The following SEMA3F variants were observed in gnomAD, a reference collection of about 807,000 sequenced individuals.
SEMA3F encodes semaphorin 3F, also known as semaphorin-3F.
A neutral mutation model predicts 98.5 loss-of-function variants in SEMA3F; 30 were observed. That is an observed-to-expected ratio of 0.30 (90% CI 0.23 to 0.41). The LOEUF (loss-of-function observed/expected upper bound fraction) is 0.41, where lower values mean the gene tolerates loss of function less well. Ranked by LOEUF, SEMA3F falls within the 10% of genes least tolerant of loss-of-function variation. The pLI, the probability that SEMA3F is intolerant of heterozygous loss-of-function variation, is 1.00. For synonymous variants in SEMA3F, 380 were observed against 444.8 expected (o/e 0.85, Z 1.83); for missense variants, 866 against 1,119.3 (o/e 0.77, Z 3.23).
chr3:50,183,192 T>C lies in SEMA3F; in HGVS notation c.1025T>C (p.Val342Ala), dbSNP rs764499450. Residue 342 changes from valine (V) to alanine (A), a missense_variant, in exon 11 of 19, where the codon GTG (valine) becomes GCG (alanine). Physicochemically the swap from Val to Ala is moderately conservative, Grantham distance 64 (BLOSUM62 0). Around this residue, in one of 3 missense-constraint regions of SEMA3F, gnomAD observed 374 missense variants for 582.8 expected, o/e 0.64. Transcript: ENST00000002829. ...IETHFDELQD[V>A]FVQQTQDVRN... The stretch of plus-strand genomic sequence containing the variant: ...CTTCTCCCTCTGTCCCCAGAGGACG[T>C]GTTTGTCCAGCAGACCCAGGACGTG... 6.2e-7 allele frequency: 1 copy of C among 1,613,974 alleles called. No individual in the cohort carries two copies. The highest frequency in any genetic ancestry group is 1.7e-5 in the Admixed American group (1 of 60,032).
At chr3:50,184,552 CCCAGGCAGCCTGGGA>C in intron 12 of SEMA3F, 25 bp from the exon 13 acceptor site, 1 of 1,519,784 alleles carries the variant, frequency 6.6e-7, no homozygotes, top group Non-Finnish European at 9.1e-7. Flanking sequence ...GCCTGCCCTG[CCCAGGCAGCCTGGGA>C]CTGACACTCG....
Position 50,173,930 on chromosome 3 carries a change from G to C in SEMA3F, c.250G>C (p.Asp84His). The change falls in exon 3 of 19, where the codon GAC becomes CAC. Residue 84 changes from aspartate (D) to histidine (H), a missense_variant. Coordinates refer to ENST00000002829, the MANE Select transcript of SEMA3F (RefSeq NM_004186.5). ...CTACGTGCTGTCCCTGGACCTGCACGACATCAACCGCGAGCCCCTCATTGT... is the reference window on the plus strand; with the variant it reads ...CTACGTGCTGTCCCTGGACCTGCACCACATCAACCGCGAGCCCCTCATTGT... ...KDYVLSLDLH[D>H]INREPLIIHW... The C allele has an allele frequency of 2.5e-6, 4 of 1,614,124 alleles. No homozygotes were observed. Among genetic ancestry groups the C allele is most frequent in the Non-Finnish European group, 3.4e-6 (4 of 1,180,036 alleles).
intron 2 of SEMA3F, among the ~76,000 whole-genome samples, chr3:50,167,145 C>T (rs763002114): frequency 6.6e-6 from 1 of 152,202 alleles, no homozygotes; most frequent in Admixed American, 6.5e-5. Flanking sequence ...TGAGCCGGAG[C>T]CCTGACTTGC....
At chr3:50,186,827 C>T in intron 18 of SEMA3F, 81 bp downstream of exon 18, 2 of 1,371,696 alleles carry the variant, frequency 1.5e-6, no homozygotes, top group Non-Finnish European at 1.9e-6. Context: ...TGATCTGGAG[C>T]AACTCTCATG....
intron 2 of SEMA3F, among the ~76,000 whole-genome samples, chr3:50,167,140 C>A (rs552154498): frequency 6.6e-6 from 1 of 152,168 alleles, no homozygotes; most frequent in East Asian, 1.9e-4. Context: ...AAAGCTGAGC[C>A]GGAGCCCTGA....
In SEMA3F at chr3:50,188,552, A is replaced by T. The variant is rs2109132185; in HGVS notation, c.*437A>T. 1 of 152,542 alleles carries T rather than the reference A, an allele frequency of 6.6e-6. No individual in the cohort carries two copies. Among genetic ancestry groups the T allele is most frequent in the Non-Finnish European group, 1.5e-5 (1 of 68,084 alleles). 9.4% of individuals were successfully genotyped at this position (152,542 alleles called of 1,614,324 possible). A position where few individuals can be genotyped will look rare whatever the true frequency, so the allele number is the denominator to read the frequency against. The stretch of plus-strand genomic sequence containing the variant: ...CATGGATGCGAGGACCACTTTGGAG[A>T]CTGGGGTGGCCTCAAGAGCACACAG... On this transcript the variant is annotated 3_prime_UTR_variant, in exon 19 of 19. Coordinates refer to ENST00000002829, the MANE Select transcript of SEMA3F (RefSeq NM_004186.5). This position sits in a 1 kb window ranked among gnomAD's most constrained non-coding sequence, Gnocchi z 4.5.
chr3:50,179,214 A>G (rs911038718), intron 7 of SEMA3F, among the ~76,000 whole-genome samples: 4 of 152,164 alleles, frequency 2.6e-5, no homozygotes, highest in African/African-American at 7.2e-5. Context: ...ATTAGCCCCT[A>G]ATAAGAGAGT....
intron 2 of SEMA3F, among the ~76,000 whole-genome samples, chr3:50,170,937 C>T (rs1007838412): frequency 8.5e-5 from 13 of 152,182 alleles, no homozygotes; most frequent in Non-Finnish European, 1.5e-4. Flanking sequence ...GAGTCACCTT[C>T]CGGCCCTGGC....
Position 50,158,547 on chromosome 3 carries a change from A to G in SEMA3F, c.-48-1028A>G, listed in dbSNP as rs1458064293. Among the ~76,000 whole-genome samples, 1 of 152,208 alleles carries G rather than the reference A, an allele frequency of 6.6e-6. No individual in the cohort carries two copies. The highest frequency in any genetic ancestry group is 1.5e-5 in the Non-Finnish European group (1 of 68,022). On this transcript the variant is annotated intron_variant, in intron 1 of 18. Coordinates refer to ENST00000002829, the MANE Select transcript of SEMA3F (RefSeq NM_004186.5). The surrounding 1 kb of genome is among the most constrained non-coding windows in gnomAD (Gnocchi z 4.8). ...CCATAGTACTGCCAACTCCCATCCC[A>G]GCATCCTAGAGATGGGCCTGGGGTC...
rs755146688 is a variant in SEMA3F at position 50,187,831 on chromosome 3, G to A, written c.2074G>A (p.Val692Met). The change falls in exon 19 of 19, where the codon GTG becomes ATG. Residue 692 changes from valine to methionine, a missense_variant. Around this residue, in one of 3 missense-constraint regions of SEMA3F, gnomAD observed 245 missense variants for 260.5 expected, o/e 0.94. Coordinates refer to ENST00000002829, the MANE Select transcript of SEMA3F (RefSeq NM_004186.5). Reference sequence around the variant, plus strand: ...CAACTTTAAGCACGTCGTCACACGAGTGCAGCTGCATGTACTGGGCCGGGA... The same window carrying A: ...CAACTTTAAGCACGTCGTCACACGAATGCAGCTGCATGTACTGGGCCGGGA... ...ENNFKHVVTR[V>M]QLHVLGRDAV... 1.2e-6 allele frequency: 2 copies of A among 1,613,490 alleles called. No individual in the cohort carries two copies. Among genetic ancestry groups the A allele is most frequent in the South Asian group, 2.2e-5 (2 of 91,080 alleles).
chr3:50,173,124 G>T (rs931041640), intron 2 of SEMA3F, among the ~76,000 whole-genome samples: 1 of 152,166 alleles, frequency 6.6e-6, no homozygotes, highest in African/African-American at 2.4e-5. Context: ...CTCTCAGTCT[G>T]TCAGGGACTG....
At chr3:50,185,400 CAGCAT>C in intron 13 of SEMA3F, 38 bp from the exon 14 acceptor site, 1 of 1,549,606 alleles carries the variant, frequency 6.5e-7, no homozygotes, top group Non-Finnish European at 8.8e-7. Flanking sequence ...ACCCCTTCCC[CAGCAT>C]CCCCAGCCCC....
rs2109122243 is a variant in SEMA3F, at chr3:50,185,428, C to T, written c.1457-15C>T. ...CATCCCCAGCCCCACTGAGGCCCTG[C>T]CCGGCCCGTTCCAGACCGCGGGACA... On this transcript the variant is annotated splice_polypyrimidine_tract_variant and intron_variant, in intron 13 of 18. Coordinates refer to ENST00000002829, the MANE Select transcript of SEMA3F (RefSeq NM_004186.5). 2 of 1,608,468 alleles carry T rather than the reference C, an allele frequency of 1.2e-6. No individual in the cohort carries two copies. The highest frequency in any genetic ancestry group is 1.8e-4 in the Middle Eastern group (1 of 5,664).
intron 13 of SEMA3F, 29 bp downstream of exon 13, chr3:50,184,843 A>C: frequency 6.4e-7 from 1 of 1,558,096 alleles, no homozygotes; most frequent in Non-Finnish European, 8.8e-7. Flanking sequence ...GGCCTCTCCC[A>C]CGCTGGGCCC....
At chr3:50,164,255 T>C (rs1378521152) in intron 2 of SEMA3F, among the ~76,000 whole-genome samples, 1 of 152,196 alleles carries the variant, frequency 6.6e-6, no homozygotes, top group Non-Finnish European at 1.5e-5. Context: ...TGGCTCCAGC[T>C]TCCCTTGGCA....
At chr3:50,181,347 T>C (rs1699009295) in intron 7 of SEMA3F, among the ~76,000 whole-genome samples, 1 of 151,826 alleles carries the variant, frequency 6.6e-6, no homozygotes, top group Non-Finnish European at 1.5e-5. Flanking sequence ...TTTGAGACGG[T>C]TGTCTCACTG....
chr3:50,182,964 C>G lies in SEMA3F; in HGVS notation c.964C>G (p.Leu322Val), dbSNP rs753997259. 6.2e-6 allele frequency: 10 copies of G among 1,613,878 alleles called. No individual in the cohort carries two copies. The African/African-American group carries it at 1.3e-4, about 22-fold the overall frequency. Residue 322 changes from leucine to valine, a missense_variant, in exon 10 of 19, where the codon CTC (leucine) becomes GTC (valine). This residue lies in a region of SEMA3F where 374 missense variants were observed against 582.8 expected (regional missense o/e 0.64). Transcript: ENST00000002829. The surrounding 1 kb of genome is among the most constrained non-coding windows in gnomAD (Gnocchi z 4.5). The stretch of plus-strand genomic sequence containing the variant: ...GTGGAGCACATTCCTGAAGGCGCGG[C>G]TCGTCTGCTCTGTCCCGGGCGAGGA... Reference protein sequence around the residue: ...NKWSTFLKARLVCSVPGEDGI... With the variant: ...NKWSTFLKARVVCSVPGEDGI...
intron 1 of SEMA3F, chr3:50,159,239 G>C (rs1698111520): frequency 5.4e-6 from 1 of 186,912 alleles, no homozygotes; most frequent in Non-Finnish European, 1.1e-5. Context: ...AGATGCAGGG[G>C]AGAAAGGAGA....
intron 5 of SEMA3F, 66 bp from the exon 6 acceptor site, chr3:50,175,030 C>A: frequency 8.8e-7 from 1 of 1,135,898 alleles, no homozygotes; most frequent in Non-Finnish European, 1.3e-6. Flanking sequence ...TAGAGGCTGG[C>A]AGCCCGAGCC....
Sources: allele counts gnomAD v4.1 joint callset (sites outside exome capture counted in the v4.1 genomes callset), GRCh38; gene constraint gnomAD v4.1.1; regional missense constraint gnomAD v4.1.1; non-coding constraint Gnocchi (gnomAD v3.1); transcripts MANE v1.5; gene names NCBI Gene and HGNC (gene_info 2026-07-23, HGNC 2026-07-21).